Variants in DYNC1I2 observed in about 807,000 individuals in gnomAD.
DYNC1I2 encodes the protein cytoplasmic dynein 1 intermediate chain 2.
In DYNC1I2, 53 loss-of-function variants were observed where a neutral mutation model predicts 88.6. The ratio of observed to expected loss-of-function variants is 0.60; its 90% CI spans 0.48 to 0.75. The LOEUF is 0.75. Ranked by LOEUF, DYNC1I2 falls within the 30% of genes least tolerant of loss-of-function variation. DYNC1I2 has a pLI of 0.00. For missense variants in DYNC1I2, 458 were observed against 766.6 expected, an observed-to-expected ratio of 0.60 and a Z score of 4.75; for synonymous variants, 198 against 254.6, an observed-to-expected ratio of 0.78 and a Z score of 2.12.
Position 171,749,216 on chromosome 2 carries a change from T to C in DYNC1I2, c.*1327T>C, listed in dbSNP as rs1689970692. 6.6e-6 allele frequency among the ~76,000 whole-genome samples: 1 copy of C among 152,178 alleles called. No individual in the cohort carries two copies. Among genetic ancestry groups the C allele is most frequent in the Non-Finnish European group, 1.5e-5 (1 of 67,984 alleles). ...ACTCTGATTCTTGCTGAAGCATCTA[T>C]GAGAAGTGTGATTTTAGCCAAGTCT... On this transcript the variant is annotated 3_prime_UTR_variant, in exon 18 of 18. Coordinates refer to ENST00000397119, the MANE Select transcript of DYNC1I2 (RefSeq NM_001378.3).
chr2:171,729,763 C>A lies in DYNC1I2; in HGVS notation c.1446C>A (p.Ile482=). 2 of 1,613,456 alleles carry A rather than the reference C, an allele frequency of 1.2e-6. No individual in the cohort carries two copies. The highest frequency in any genetic ancestry group is 1.1e-5 in the South Asian group (1 of 91,060). Residue 482 remains isoleucine (I), a synonymous_variant, in exon 15 of 18, where the codon ATC becomes ATA. Transcript: ENST00000397119. Reference sequence around the variant, plus strand: ...GGCATCAAGGACCAATCACTGGCATCCATTGTCATGCAGCTGTTGGAGCAG... The same window carrying A: ...GGCATCAAGGACCAATCACTGGCATACATTGTCATGCAGCTGTTGGAGCAG... The part of the protein sequence containing the change: ...FEGHQGPITG[I]HCHAAVGAVD...
chr2:171,705,845 G>A (rs926421181), intron 3 of DYNC1I2, among the ~76,000 whole-genome samples: 2 of 152,006 alleles, frequency 1.3e-5, no homozygotes, highest in Non-Finnish European at 2.9e-5. Flanking sequence ...TAGAAACATT[G>A]ATGAAGTTTT....
chr2:171,710,573 A>G (rs887651788), intron 5 of DYNC1I2, among the ~76,000 whole-genome samples: 5 of 152,348 alleles, frequency 3.3e-5, no homozygotes, highest in Admixed American at 3.3e-4. Context: ...ATGAATAAAT[A>G]TAAAAGGTCG....
At position 171,695,513 on chromosome 2, in the gene DYNC1I2, TG is replaced by T. The variant is rs1397872302; in HGVS notation, c.226+2620del. 1.3e-4 allele frequency among the ~76,000 whole-genome samples: 20 copies of T among 152,354 alleles called. No homozygotes were observed. The East Asian group carries it at 3.5e-3, about 26-fold the overall frequency. ...AAATGGCATAGTGCTGTATGTCTTT[TG>T]TTTATTCCATGTTGCTATATACGTA... On this transcript the variant is annotated intron_variant, in intron 3 of 17. Transcript: ENST00000397119.
chr2:171,729,636 C>A, intron 14 of DYNC1I2, 73 bp from the exon 15 acceptor site: 1 of 1,517,632 alleles, frequency 6.6e-7, no homozygotes. Flanking sequence ...ATATATAAAC[C>A]TATAATAAAA....
At chr2:171,700,744 G>T (rs962491875) in intron 3 of DYNC1I2, among the ~76,000 whole-genome samples, 1 of 152,064 alleles carries the variant, frequency 6.6e-6, no homozygotes, top group African/African-American at 2.4e-5. Flanking sequence ...CCATTCTCCT[G>T]CCTCAGCATC....
chr2:171,727,336 T>C (rs888981169), intron 11 of DYNC1I2, among the ~76,000 whole-genome samples: 2 of 152,146 alleles, frequency 1.3e-5, no homozygotes, highest in African/African-American at 4.8e-5. Flanking sequence ...TAGAAACATA[T>C]GGTTGAAGTA....
intron 3 of DYNC1I2, among the ~76,000 whole-genome samples, chr2:171,696,020 A>G (rs372134993): frequency 6.6e-6 from 1 of 152,162 alleles, no homozygotes; most frequent in Non-Finnish European, 1.5e-5. Flanking sequence ...CTGCATATTC[A>G]TGTCCTTCTC....
chr2:171,730,893 C>T (rs1456466249), intron 15 of DYNC1I2, among the ~76,000 whole-genome samples: 1 of 152,160 alleles, frequency 6.6e-6, no homozygotes, highest in Admixed American at 6.5e-5. Context: ...GGGATGAACT[C>T]ATTATTCATT....
intron 15 of DYNC1I2, among the ~76,000 whole-genome samples, chr2:171,736,311 T>C (rs1689002554): frequency 6.6e-6 from 1 of 152,106 alleles, no homozygotes; most frequent in Non-Finnish European, 1.5e-5. Flanking sequence ...TATACTAGAG[T>C]TGATTAGACA....
intron 5 of DYNC1I2, among the ~76,000 whole-genome samples, chr2:171,707,989 A>C (rs540663862): frequency 4.7e-4 from 72 of 152,110 alleles, no homozygotes; most frequent in South Asian, 2.9e-3. Flanking sequence ...CTTGCTTTTC[A>C]AAAGTTCAGT....
chr2:171,704,668 C>T (rs1255762685), intron 3 of DYNC1I2, among the ~76,000 whole-genome samples: 1 of 152,106 alleles, frequency 6.6e-6, no homozygotes, highest in East Asian at 1.9e-4. Flanking sequence ...TCTTTTCTTA[C>T]ATTTGAGAAC....
At chr2:171,692,686 G>T in intron 2 of DYNC1I2, 91 bp from the exon 3 acceptor site, 2 of 797,214 alleles carry the variant, frequency 2.5e-6, no homozygotes, top group Non-Finnish European at 2.0e-6. Flanking sequence ...TGCCTTAAAA[G>T]TATACAGTGT....
intron 1 of DYNC1I2, chr2:171,688,541 G>A (rs992921000): frequency 3.9e-5 from 6 of 152,206 alleles, no homozygotes; most frequent in Non-Finnish European, 5.9e-5. Context: ...TTCACCAGCC[G>A]TTTGTATGGA....
At chr2:171,724,960 A>G (rs997099697) in intron 7 of DYNC1I2, among the ~76,000 whole-genome samples, 1 of 152,248 alleles carries the variant, frequency 6.6e-6, no homozygotes, top group Admixed American at 6.5e-5. Flanking sequence ...TTAAGAAAAC[A>G]TTATTTTAAG....
chr2:171,747,207 T>A (rs868050133), intron 17 of DYNC1I2, among the ~76,000 whole-genome samples: 55 of 124,672 alleles, frequency 4.4e-4, no homozygotes, highest in African/African-American at 9.1e-4. Context: ...AAAAAAAAAA[T>A]TATATATATA....
At chr2:171,710,974 T>A (rs941916855) in intron 5 of DYNC1I2, among the ~76,000 whole-genome samples, 2 of 151,682 alleles carry the variant, frequency 1.3e-5, no homozygotes, top group Non-Finnish European at 2.9e-5. Flanking sequence ...ACTCATTAAC[T>A]CATCATTTAC....
chr2:171,706,507 G>T, intron 3 of DYNC1I2, 40 bp from the exon 4 acceptor site: 1 of 1,575,322 alleles, frequency 6.3e-7, no homozygotes, highest in East Asian at 2.2e-5. Flanking sequence ...AAGGGATTAA[G>T]AATATTTTGG....
At chr2:171,700,874 A>G (rs1443525501) in intron 3 of DYNC1I2, among the ~76,000 whole-genome samples, 2 of 151,846 alleles carry the variant, frequency 1.3e-5, no homozygotes, top group Non-Finnish European at 2.9e-5. Context: ...CTCGTGATCC[A>G]CCCTACTCAG....
Sources: gnomAD v4.1 joint callset for allele counts (sites outside exome capture counted in the v4.1 genomes callset) on GRCh38, gnomAD v4.1.1 for gene constraint, MANE v1.5 for transcripts, NCBI Gene and HGNC (gene_info 2026-07-23, HGNC 2026-07-21) for gene names.